The following IDUA variants were observed in gnomAD, a reference collection of about 807,000 sequenced individuals.
IDUA encodes iduronidase alpha-L-.
IDUA carries 65 observed loss-of-function variants against 68.9 expected under a neutral mutation model. That is an observed-to-expected ratio of 0.94 (90% confidence interval 0.77 to 1.16). The LOEUF (loss-of-function observed/expected upper bound fraction) is 1.16, where lower values mean the gene tolerates loss of function less well. IDUA is among the 50% of genes most tolerant of loss of function. The pLI is 0.00. For synonymous variants in IDUA, 529 were observed against 433.6 expected (o/e 1.22, Z -2.73); for missense variants, 1,046 against 938.0 (o/e 1.12, Z -1.50).
intron 3 of IDUA, 27 bp from the exon 4 acceptor site, chr4:1,000,855 C>T (rs561032437): frequency 3.0e-5 from 47 of 1,582,006 alleles, no homozygotes; most frequent in Admixed American, 2.0e-4. Flanking sequence ...GTGTGGTGGG[C>T]GGTGGGGCAG....
rs550860080 is a variant in IDUA at position 998,507 on chromosome 4, G to A, written c.300-2105G>A. 8.5e-5 allele frequency among the ~76,000 whole-genome samples: 13 copies of A among 152,274 alleles called. No homozygotes were observed. In the East Asian group the frequency reaches 1.9e-3, roughly 23 times the overall value. On this transcript the variant is annotated intron_variant, in intron 2 of 13. Coordinates refer to ENST00000514224, the MANE Select transcript of IDUA (RefSeq NM_000203.5). ...CCCACGGGCAGCTGTGCTCACCTGCGTGGCGTCCGCAGGAAGCCCTCAGAC... is the reference window on the plus strand; with the variant it reads ...CCCACGGGCAGCTGTGCTCACCTGCATGGCGTCCGCAGGAAGCCCTCAGAC...
chr4:1,002,269 G>A lies in IDUA; in HGVS notation c.973G>A (p.Val325Ile), dbSNP rs1292105908. The change falls in exon 8 of 14, where the codon GTC (valine) becomes ATC (isoleucine). Residue 325 changes from valine to isoleucine, a missense_variant and splice_region_variant. By Grantham distance (29) the Val-to-Ile change is conservative (BLOSUM62 3). Coordinates refer to ENST00000514224, the MANE Select transcript of IDUA (RefSeq NM_000203.5). The part of the protein sequence containing the change: ...DVTYAAMVVK[V>I]IAQHQNLLLA... ...TCCCAGCTGCCCTGGACACCCGCAG[G>A]TCATCGCGCAGCATCAGAACCTGCT... The A allele has an allele frequency of 3.7e-6, 6 of 1,610,202 alleles. No individual in the cohort carries two copies. Among genetic ancestry groups the A allele is most frequent in the Non-Finnish European group, 5.1e-6 (6 of 1,178,652 alleles).
chr4:1,001,928 G>C (rs1279242156), intron 6 of IDUA, 47 bp downstream of exon 6: 4 of 1,569,076 alleles, frequency 2.5e-6, no homozygotes, highest in East Asian at 2.3e-5. Flanking sequence ...GCCCTCAGCC[G>C]CTGTGCCCCG....
At chr4:998,989 G>C (rs1448327863) in intron 2 of IDUA, among the ~76,000 whole-genome samples, 1 of 152,034 alleles carries the variant, frequency 6.6e-6, no homozygotes, top group East Asian at 1.9e-4. Context: ...CGGATCACGA[G>C]GTCAGGAAAT....
intron 4 of IDUA, 80 bp from the exon 5 acceptor site, chr4:1,001,388 A>G (rs1715061760): frequency 2.5e-6 from 3 of 1,197,868 alleles, no homozygotes; most frequent in African/African-American, 1.5e-5. Context: ...GACGCCCTTC[A>G]TCACCTTGCA....
At chr4:992,108 G>A (rs1179348587) in intron 2 of IDUA, 1 of 498,782 alleles carries the variant, frequency 2.0e-6, no homozygotes, top group Non-Finnish European at 3.9e-6. Flanking sequence ...TCCCCAACGG[G>A]GCAGGAACAG....
Position 1,002,005 on chromosome 4 carries a change from C to T in IDUA, c.816C>T (p.Ile272=), listed in dbSNP as rs1379813895. 9 of 1,593,050 alleles carry T rather than the reference C, an allele frequency of 5.6e-6. No homozygotes were observed. The highest frequency in any genetic ancestry group is 1.8e-5 in the Admixed American group (1 of 56,044). The change falls in exon 7 of 14, where the codon ATC becomes ATT. Residue 272 remains isoleucine, a synonymous_variant. Transcript: ENST00000514224. ...HRKGARSSIS[I]LEQEKVVAQQ... ...AGGGTGCGCGCAGCTCCATCTCCAT[C>T]CTGGAGCAGGAGAAGGTCGTCGCGC...
At chr4:989,796 G>A in intron 2 of IDUA, 1 of 1,571,990 alleles carries the variant, frequency 6.4e-7, no homozygotes, top group East Asian at 2.3e-5. Flanking sequence ...CGTTGCAGCA[G>A]CCCACAGCCA....
intron 1 of IDUA, 139 bp from the exon 2 acceptor site, chr4:987,667 TAAG>T: frequency 6.7e-7 from 1 of 1,484,278 alleles, no homozygotes; most frequent in Non-Finnish European, 9.0e-7. Flanking sequence ...TTCCTGGCCC[TAAG>T]GGTCATTTTA....
At chr4:1,003,689 T>C in intron 12 of IDUA, 64 bp downstream of exon 12, 1 of 1,571,188 alleles carries the variant, frequency 6.4e-7, no homozygotes, top group Non-Finnish European at 8.7e-7. Context: ...TCCCGACCCC[T>C]TCACCCATGC....
rs1327654410 is a variant in IDUA at position 1,002,719 on chromosome 4, C to A, written c.1190-13C>A. The A allele has an allele frequency of 8.3e-6, 12 of 1,451,990 alleles. No individual in the cohort carries two copies. In the African/African-American group the frequency reaches 1.0e-4, roughly 13 times the overall value. The allele number at this position is 1,451,990 out of a possible 1,614,324, so 89.9% of individuals were successfully genotyped here. A position where few individuals can be genotyped will look rare whatever the true frequency, so the allele number is the denominator to read the frequency against. Reference sequence around the variant, plus strand: ...ACGACCCCACGCGGCGACGGCCCCCCCCCGCCCCGCAGATGAGGAGCAGCT... The same window carrying A: ...ACGACCCCACGCGGCGACGGCCCCCACCCGCCCCGCAGATGAGGAGCAGCT... On this transcript the variant is annotated splice_polypyrimidine_tract_variant and intron_variant, in intron 8 of 13. Coordinates refer to ENST00000514224, the MANE Select transcript of IDUA (RefSeq NM_000203.5).
In IDUA at chr4:1,002,683, G is replaced by A. The variant is rs1176800369; in HGVS notation, c.1190-49G>A. On this transcript the variant is annotated intron_variant, in intron 8 of 13. Transcript: ENST00000514224. ...GGGAGGCCCGGCCCTGGGTCGGGGG[G>A]CGGCTGGGCAACGACCCCACGCGGC... The A allele has an allele frequency of 3.0e-6, 4 of 1,332,494 alleles. No homozygotes were observed. In the South Asian group the frequency reaches 5.4e-5, roughly 18 times the overall value. 82.5% of individuals were successfully genotyped at this position (1,332,494 alleles called of 1,614,324 possible). A position where few individuals can be genotyped will look rare whatever the true frequency, so the allele number is the denominator to read the frequency against.
chr4:1,002,061 C>G lies in IDUA; in HGVS notation c.872C>G (p.Ala291Gly). Residue 291 changes from alanine to glycine, a missense_variant, in exon 7 of 14, where the codon GCG becomes GGG. By Grantham distance (60) the Ala-to-Gly change is moderately conservative. Transcript: ENST00000514224. ...ATCCGGCAGCTCTTCCCCAAGTTCG[C>G]GGACACCCCCATTTACAACGACGAG... ...QQIRQLFPKFADTPIYNDEAD... is the reference protein window; with the variant it reads ...QQIRQLFPKFGDTPIYNDEAD... The G allele has an allele frequency of 6.3e-7, 1 of 1,594,928 alleles. No homozygotes were observed. The highest frequency in any genetic ancestry group is 8.5e-7 in the Non-Finnish European group (1 of 1,172,372).
intron 4 of IDUA, 36 bp downstream of exon 4, chr4:1,001,025 C>A: frequency 2.1e-6 from 3 of 1,462,542 alleles, no homozygotes; most frequent in Non-Finnish European, 1.9e-6. Context: ...CTGGCCGGGG[C>A]GGGGGTACTC....
chr4:1,000,919 T>G lies in IDUA; in HGVS notation c.423T>G (p.Thr141=). 1 of 1,613,510 alleles carries G rather than the reference T, an allele frequency of 6.2e-7. No individual in the cohort carries two copies. The highest frequency in any genetic ancestry group is 8.5e-7 in the Non-Finnish European group (1 of 1,179,948). ...TGGGCAGCGCCTCGGGCCACTTCAC[T>G]GACTTTGAGGACAAGCAGCAGGTGT... The part of the protein sequence containing the change: ...ELMGSASGHF[T]DFEDKQQVFE... Residue 141 remains threonine (T), a synonymous_variant, in exon 4 of 14, where the codon ACT becomes ACG. Transcript: ENST00000514224.
At chr4:997,593 T>A (rs1360612697) in intron 2 of IDUA, among the ~76,000 whole-genome samples, 5 of 151,048 alleles carry the variant, frequency 3.3e-5, no homozygotes, top group African/African-American at 4.9e-5. Context: ...CCGCGCGGGG[T>A]CTACAAGGGC....
intron 2 of IDUA, chr4:990,320 G>C (rs779458377): frequency 1.2e-6 from 2 of 1,605,028 alleles, no homozygotes; most frequent in Non-Finnish European, 1.7e-6. Context: ...GGCTGTGAGA[G>C]GTAGGCGGAC....
chr4:1,002,579 A>G, intron 8 of IDUA, 94 bp downstream of exon 8: 1 of 1,240,128 alleles, frequency 8.1e-7, no homozygotes, highest in Non-Finnish European at 1.1e-6. Context: ...CACTTCCTCC[A>G]GCCGCGCGCT....
chr4:995,691 C>G (rs1577529933), intron 2 of IDUA, among the ~76,000 whole-genome samples: 1 of 152,246 alleles, frequency 6.6e-6, no homozygotes, highest in Admixed American at 6.5e-5. Flanking sequence ...GACGAGGACA[C>G]TGACATTGAT....
Sources: gnomAD v4.1 joint callset for allele counts (sites outside exome capture counted in the v4.1 genomes callset) on GRCh38, gnomAD v4.1.1 for gene constraint, MANE v1.5 for transcripts, NCBI Gene and HGNC (gene_info 2026-07-23, HGNC 2026-07-21) for gene names.